SLC27A3: variants seen among roughly 807,000 people sequenced by gnomAD.
SLC27A3 encodes long-chain fatty acid transport protein 3.
In SLC27A3, 60 loss-of-function variants were observed where a neutral mutation model predicts 60.1. The ratio of observed to expected loss-of-function variants is 1.00; its 90% CI spans 0.81 to 1.24. The LOEUF is 1.24. SLC27A3 is among the 50% of genes most tolerant of loss of function. The probability of loss-of-function intolerance (pLI) is 0.00; values close to 1 mark genes in which losing one functional copy is unlikely to be tolerated. For synonymous variants in SLC27A3, 455 were observed against 409.0 expected, an observed-to-expected ratio of 1.11 and a Z score of -1.36; for missense variants, 1,079 against 929.9, an observed-to-expected ratio of 1.16 and a Z score of -2.09.
chr1:153,775,661 C>A lies in SLC27A3; in HGVS notation c.164C>A (p.Ala55Asp), dbSNP rs1244993644. Residue 55 changes from alanine to aspartate, a missense_variant, in exon 1 of 10, where the codon GCC (alanine) becomes GAC (aspartate). Physicochemically the swap from Ala to Asp is moderately radical, Grantham distance 126. Transcript: ENST00000624995. ...ALRARALAAA[A>D]ADPEGPEGGC... ...CGAGCTCGCGCCCTGGCCGCGGCTG[C>A]CGCCGACCCGGAAGGTCCCGAGGGG... 5 of 1,529,524 alleles carry A rather than the reference C, an allele frequency of 3.3e-6. No individual in the cohort carries two copies. The African/African-American group carries it at 5.5e-5, about 17-fold the overall frequency. The allele number at this position is 1,529,524 out of a possible 1,614,324, so 94.7% of individuals were successfully genotyped here. A position where few individuals can be genotyped will look rare whatever the true frequency, so the allele number is the denominator to read the frequency against.
chr1:153,779,343 G>C lies in SLC27A3; in HGVS notation c.1745G>C (p.Gly582Ala). Residue 582 changes from glycine to alanine, a missense_variant and splice_region_variant, in exon 9 of 10, where the codon GGG becomes GCG. By Grantham distance (60) the Gly-to-Ala change is moderately conservative. Transcript: ENST00000624995. ...EVNVYGVTVP[G>A]HEGRAGMAAL... ...TTACTCTGTCTCCCACACCCACCAG[G>C]GCATGAAGGCAGGGCTGGAATGGCA... 1.9e-6 allele frequency: 3 copies of C among 1,613,928 alleles called. No homozygotes were observed. Among genetic ancestry groups the C allele is most frequent in the Non-Finnish European group, 2.5e-6 (3 of 1,179,920 alleles).
intron 4 of SLC27A3, 110 bp downstream of exon 4, chr1:153,777,995 T>A: frequency 6.5e-7 from 1 of 1,536,016 alleles, no homozygotes; most frequent in Non-Finnish European, 8.8e-7. Flanking sequence ...AAGAAGAAAA[T>A]GGCAGTGTAA....
Position 153,777,832 on chromosome 1 carries a change from A to T in SLC27A3, c.1108A>T (p.Thr370Ser), listed in dbSNP as rs779588083. 3 of 1,614,234 alleles carry T rather than the reference A, an allele frequency of 1.9e-6. No homozygotes were observed. The South Asian group carries it at 3.3e-5, about 18-fold the overall frequency. ...FWEDCQQHRV[T>S]VFQYIGELCR... ...GGAAGATTGCCAGCAGCACAGGGTG[A>T]CGGTGTTCCAGTACATTGGGGAGCT... The change falls in exon 4 of 10, where the codon ACG (threonine) becomes TCG (serine). Residue 370 changes from threonine (T) to serine (S), a missense_variant. Thr to Ser is a moderately conservative substitution (Grantham distance 58). Coordinates refer to ENST00000624995, the MANE Select transcript of SLC27A3 (RefSeq NM_024330.4).
At chr1:153,776,283 G>A (rs1673218934) in intron 1 of SLC27A3, 119 bp downstream of exon 1, 1 of 1,421,246 alleles carries the variant, frequency 7.0e-7, no homozygotes, top group South Asian at 1.6e-5. Context: ...TATCCCTTGG[G>A]GTTCGAAAGT....
At chr1:153,778,429 C>T (rs2101848129) in intron 5 of SLC27A3, 34 bp from the exon 6 acceptor site, 2 of 1,611,284 alleles carry the variant, frequency 1.2e-6, no homozygotes, top group Non-Finnish European at 1.7e-6. Flanking sequence ...CATGTGACTG[C>T]AATGATCCAG....
At chr1:153,779,046 C>A in intron 7 of SLC27A3, 68 bp from the exon 8 acceptor site, 1 of 1,531,864 alleles carries the variant, frequency 6.5e-7, no homozygotes, top group Non-Finnish European at 9.0e-7. Context: ...CCTCTGACCT[C>A]ATCTCCCCAC....
rs777663004 is a variant in SLC27A3 at position 153,779,864 on chromosome 1, A to G, written c.1914A>G (p.Lys638=). ...CCACAGAGACCTTCAAACAGCAGAAAGTTCGGATGGCAAATGAGGGCTTCG... is the reference window on the plus strand; with the variant it reads ...CCACAGAGACCTTCAAACAGCAGAAGGTTCGGATGGCAAATGAGGGCTTCG... ...LATTETFKQQ[K]VRMANEGFDP... The change falls in exon 10 of 10, where the codon AAA becomes AAG. Residue 638 remains lysine (K), a synonymous_variant. Coordinates refer to ENST00000624995, the MANE Select transcript of SLC27A3 (RefSeq NM_024330.4). 3 of 1,613,884 alleles carry G rather than the reference A, an allele frequency of 1.9e-6. No homozygotes were observed. The highest frequency in any genetic ancestry group is 2.5e-6 in the Non-Finnish European group (3 of 1,179,982).
chr1:153,776,810 C>A lies in SLC27A3; in HGVS notation c.877+83C>A, dbSNP rs550450198. The A allele has an allele frequency of 6.0e-6, 8 of 1,331,594 alleles. No individual in the cohort carries two copies. In the African/African-American group the frequency reaches 1.0e-4, roughly 17 times the overall value. The allele number at this position is 1,331,594 out of a possible 1,614,324, so 82.5% of individuals were successfully genotyped here. A position where few individuals can be genotyped will look rare whatever the true frequency, so the allele number is the denominator to read the frequency against. On this transcript the variant is annotated intron_variant, in intron 2 of 9. Transcript: ENST00000624995. ...CTGCTCCCAGACCACTCCTTCAAAG[C>A]CCCCAGAGAGGATGCTGATTTCATT...
chr1:153,778,438 A>G (rs758245855), intron 5 of SLC27A3, 25 bp from the exon 6 acceptor site: 11 of 1,613,420 alleles, frequency 6.8e-6, no homozygotes, highest in Non-Finnish European at 9.3e-6. Context: ...GCAATGATCC[A>G]GTACCCAGGT....
rs773333339 is a variant in SLC27A3, at chr1:153,778,254, CT to C, written c.1256del (p.Leu419ArgfsTer9). ...GCGTTTTGTGCGGCGCTTCGGGCCC[CT>C]GCAGGTGCTGGAGACATATGGACTG... ...WERFVRRFGP[L>X]QVLETYGLTE... On this transcript the variant is annotated frameshift_variant, in exon 5 of 10. Coordinates refer to ENST00000624995, the MANE Select transcript of SLC27A3 (RefSeq NM_024330.4). LOFTEE classifies it high-confidence loss of function. 3.1e-6 allele frequency: 5 copies of C among 1,614,130 alleles called. No homozygotes were observed. The highest frequency in any genetic ancestry group is 4.2e-6 in the Non-Finnish European group (5 of 1,180,024).
In SLC27A3 at chr1:153,777,132, T is replaced by C; in HGVS notation, c.948T>C (p.Gly316=). The C allele has an allele frequency of 6.2e-7, 1 of 1,614,268 alleles. No homozygotes were observed. The part of the protein sequence containing the change: ...LQCQGFYQLC[G]VHQEDVIYLA... ...GCCAGGGCTTCTATCAGCTGTGTGG[T>C]GTCCACCAGGAAGATGTGATCTACC... Residue 316 remains glycine, a synonymous_variant, in exon 3 of 10, where the codon GGT becomes GGC. Transcript: ENST00000624995.
In SLC27A3 at chr1:153,779,185, T is replaced by C. The variant is rs757296206; in HGVS notation, c.1718T>C (p.Val573Ala). ...GAGGCCCTAGATTTTCTTCAGGAGG[T>C]GAACGTCTATGGAGTCACTGTGCCA... ...VFEALDFLQE[V>A]NVYGVTVPGH... The change falls in exon 8 of 10, where the codon GTG (valine) becomes GCG (alanine). Residue 573 changes from valine to alanine, a missense_variant. Coordinates refer to ENST00000624995, the MANE Select transcript of SLC27A3 (RefSeq NM_024330.4). 3.1e-6 allele frequency: 5 copies of C among 1,613,936 alleles called. 1 individual carries two copies. In the African/African-American group the frequency reaches 5.3e-5, roughly 17 times the overall value.
At chr1:153,776,231 A>G (rs895281746) in intron 1 of SLC27A3, 67 bp downstream of exon 1, 1 of 1,405,476 alleles carries the variant, frequency 7.1e-7, no homozygotes, top group Non-Finnish European at 9.2e-7. Context: ...CGGAGACCAC[A>G]GAAAGGCTTG....
intron 3 of SLC27A3, chr1:153,777,548 G>A: frequency 3.1e-6 from 2 of 647,210 alleles, no homozygotes; most frequent in South Asian, 3.7e-5. Context: ...GGGCTGGGAA[G>A]TAGGGAAAGG....
intron 9 of SLC27A3, 24 bp downstream of exon 9, chr1:153,779,497 G>T: frequency 1.2e-6 from 2 of 1,605,688 alleles, no homozygotes; most frequent in Non-Finnish European, 1.7e-6. Flanking sequence ...TCCCCCGCCG[G>T]CCCCTCACCC....
chr1:153,776,052 C>A lies in SLC27A3; in HGVS notation c.555C>A (p.Phe185Leu). The change falls in exon 1 of 10, where the codon TTC (phenylalanine) becomes TTA (leucine). Residue 185 changes from phenylalanine (F) to leucine (L), a missense_variant. Coordinates refer to ENST00000624995, the MANE Select transcript of SLC27A3 (RefSeq NM_024330.4). ...PAGPEFLWLW[F>L]GLAKAGLRTA... ...GCCCAGAGTTTCTGTGGCTCTGGTT[C>A]GGGCTGGCCAAGGCCGGCCTGCGCA... 6.8e-7 allele frequency: 1 copy of A among 1,462,530 alleles called. No individual in the cohort carries two copies. The highest frequency in any genetic ancestry group is 2.6e-5 in the East Asian group (1 of 38,188). The allele number at this position is 1,462,530 out of a possible 1,614,324, so 90.6% of individuals were successfully genotyped here.
intron 3 of SLC27A3, chr1:153,777,515 G>C (rs1673290906): frequency 1.6e-6 from 1 of 615,532 alleles, no homozygotes; most frequent in Non-Finnish European, 2.9e-6. Flanking sequence ...AAGGAAGTGA[G>C]AGTGTGGAGG....
At position 153,779,422 on chromosome 1, in the gene SLC27A3, C is replaced by A. The variant is rs757753500; in HGVS notation, c.1824C>A (p.His608Gln). The change falls in exon 9 of 10, where the codon CAC becomes CAA. Residue 608 changes from histidine (H) to glutamine (Q), a missense_variant. Coordinates refer to ENST00000624995, the MANE Select transcript of SLC27A3 (RefSeq NM_024330.4). ...TGGACCTTATGCAGCTCTACACCCA[C>A]GTGTCTGAGAACTTGCCACCTTATG... Reference protein sequence around the residue: ...HALDLMQLYTHVSENLPPYAR... With the variant: ...HALDLMQLYTQVSENLPPYAR... The A allele has an allele frequency of 1.2e-6, 2 of 1,614,046 alleles. No individual in the cohort carries two copies. Among genetic ancestry groups the A allele is most frequent in the South Asian group, 2.2e-5 (2 of 91,078 alleles).
Position 153,776,569 on chromosome 1 carries a change from T to A in SLC27A3, c.719T>A (p.Leu240His), listed in dbSNP as rs1673235794. 6.2e-7 allele frequency: 1 copy of A among 1,614,170 alleles called. No individual in the cohort carries two copies. The highest frequency in any genetic ancestry group is 8.5e-7 in the Non-Finnish European group (1 of 1,180,030). ...PDLPALRAMG[L>H]HLWAAGPGTH... is the part of the protein sequence containing the mutation. ...CTGCCCGCCCTGAGAGCCATGGGGC[T>A]CCACCTGTGGGCTGCAGGCCCAGGA... Residue 240 changes from leucine to histidine, a missense_variant, in exon 2 of 10, where the codon CTC becomes CAC. Leu to His is a moderately conservative substitution (Grantham distance 99). Coordinates refer to ENST00000624995, the MANE Select transcript of SLC27A3 (RefSeq NM_024330.4).
Sources: allele counts gnomAD v4.1 joint callset, GRCh38; gene constraint gnomAD v4.1.1; transcripts MANE v1.5; gene names NCBI Gene and HGNC (gene_info 2026-07-23, HGNC 2026-07-21).